The following DISC1 variants were observed in gnomAD, a reference collection of about 807,000 sequenced individuals.
DISC1 encodes disrupted in schizophrenia 1 protein.
In DISC1, 57 loss-of-function variants were observed where a neutral mutation model predicts 84.5. The observed-to-expected ratio is 0.67, with a 90% CI of 0.55 to 0.84. The LOEUF (loss-of-function observed/expected upper bound fraction) is 0.84, where lower values mean the gene tolerates loss of function less well. DISC1 is among the 40% of genes least tolerant of loss of function. The probability of loss-of-function intolerance (pLI) is 0.00; values close to 1 mark genes in which losing one functional copy is unlikely to be tolerated. For missense variants in DISC1, 1,000 were observed against 1,057.8 expected, an observed-to-expected ratio of 0.95 and a Z score of 0.76; for synonymous variants, 411 against 415.2, an observed-to-expected ratio of 0.99 and a Z score of 0.12.
chr1:232,026,755 CTTTTTTCTTTTTTTTT>C (rs1669500587), intron 12 of DISC1, among the ~76,000 whole-genome samples: 1 of 120,406 alleles, frequency 8.3e-6, no homozygotes, highest in Non-Finnish European at 1.7e-5. Context: ...TATTTTTTTT[CTTTTTTCTTTTTTTTT>C]TTTTTTTTTT....
chr1:231,677,419 C>G (rs933219009), intron 1 of DISC1, among the ~76,000 whole-genome samples: 3 of 152,078 alleles, frequency 2.0e-5, no homozygotes. Flanking sequence ...TGGAAAATTC[C>G]AAAATGTTAT....
At chr1:231,851,226 A>G (rs893237641) in intron 9 of DISC1, among the ~76,000 whole-genome samples, 2 of 152,178 alleles carry the variant, frequency 1.3e-5, no homozygotes, top group Non-Finnish European at 2.9e-5. Context: ...GTGTTTTTCG[A>G]AGGCAACTTT....
chr1:231,923,902 C>T (rs1015032124), intron 9 of DISC1, among the ~76,000 whole-genome samples: 3 of 152,142 alleles, frequency 2.0e-5, no homozygotes, highest in African/African-American at 7.2e-5. Flanking sequence ...AGAATTGTTT[C>T]CACCAGAGGA....
At chr1:231,877,030 G>T (rs1374047945) in intron 9 of DISC1, among the ~76,000 whole-genome samples, 2 of 152,238 alleles carry the variant, frequency 1.3e-5, no homozygotes, top group African/African-American at 2.4e-5. Flanking sequence ...TGGAGGGAGA[G>T]CGGAGAGCAG....
At chr1:231,766,631 G>A (rs1197771206) in intron 4 of DISC1, among the ~76,000 whole-genome samples, 1 of 152,116 alleles carries the variant, frequency 6.6e-6, no homozygotes, top group Non-Finnish European at 1.5e-5. Context: ...TAGTGAGTGT[G>A]AATTCAATAC....
Position 231,895,275 on chromosome 1 carries a change from T to C in DISC1, c.1982-63553T>C, listed in dbSNP as rs568657944. Among the ~76,000 whole-genome samples, 71 of 151,886 alleles carry C rather than the reference T, an allele frequency of 4.7e-4. 1 individual carries two copies. In the South Asian group the frequency reaches 5.8e-3, roughly 12 times the overall value. On this transcript the variant is annotated intron_variant, in intron 9 of 12. Transcript: ENST00000439617. ...TTTCAAACAATATTATTCCACTTTA[T>C]GTGTAAGTATATCTAATGAATAATA...
chr1:231,980,428 A>T (rs1275390558), intron 10 of DISC1, among the ~76,000 whole-genome samples: 3 of 152,186 alleles, frequency 2.0e-5, no homozygotes, highest in African/African-American at 4.8e-5. Context: ...TCACACTGTG[A>T]TGATATTAAT....
At chr1:231,904,973 G>C (rs1284794856) in intron 9 of DISC1, among the ~76,000 whole-genome samples, 2 of 152,122 alleles carry the variant, frequency 1.3e-5, no homozygotes, top group Non-Finnish European at 2.9e-5. Context: ...CCACACATAT[G>C]CAAATAAACA....
At chr1:231,631,556 C>G (rs1032016048) in intron 1 of DISC1, among the ~76,000 whole-genome samples, 1 of 152,040 alleles carries the variant, frequency 6.6e-6, no homozygotes, top group Admixed American at 6.6e-5. Flanking sequence ...GATCCTGACC[C>G]TGGGTAGGCC....
intron 1 of DISC1, among the ~76,000 whole-genome samples, chr1:231,637,264 T>C (rs12082514): frequency 0.062 from 9,462 of 152,324 alleles, 329 homozygotes; most frequent in Middle Eastern, 0.088. Context: ...GCAGTAAACA[T>C]ACGTGTGCAT....
intron 6 of DISC1, among the ~76,000 whole-genome samples, chr1:231,777,444 C>T (rs2077040833): frequency 6.6e-6 from 1 of 152,152 alleles, no homozygotes; most frequent in Non-Finnish European, 1.5e-5. Flanking sequence ...TAGACTTGAA[C>T]TCCTGTCCTC....
chr1:231,673,652 G>A (rs141874851), intron 1 of DISC1, among the ~76,000 whole-genome samples: 18 of 152,256 alleles, frequency 1.2e-4, no homozygotes, highest in East Asian at 5.8e-4. Flanking sequence ...GAAACCAAAC[G>A]GACTACAGCA....
intron 1 of DISC1, among the ~76,000 whole-genome samples, chr1:231,663,188 A>G (rs1014577618): frequency 1.3e-5 from 2 of 152,252 alleles, no homozygotes; most frequent in African/African-American, 2.4e-5. Context: ...ATATCATAAA[A>G]TAGAATTTAA....
At chr1:231,709,478 T>G (rs1312096362) in intron 3 of DISC1, among the ~76,000 whole-genome samples, 1 of 152,062 alleles carries the variant, frequency 6.6e-6, no homozygotes, top group Non-Finnish European at 1.5e-5. Flanking sequence ...GGCATGAACA[T>G]TCCTTCCTAA....
chr1:231,752,304 T>A (rs979636840), intron 4 of DISC1, among the ~76,000 whole-genome samples: 2 of 152,146 alleles, frequency 1.3e-5, no homozygotes, highest in Middle Eastern at 3.2e-3. Context: ...CTGCTCAGCT[T>A]CTGGGGAGGC....
intron 9 of DISC1, among the ~76,000 whole-genome samples, chr1:231,881,374 T>A (rs963955961): frequency 1.3e-5 from 2 of 152,196 alleles, no homozygotes; most frequent in Admixed American, 6.5e-5. Flanking sequence ...GTTCCAGGCT[T>A]CTCTCCTTGG....
At chr1:231,959,422 G>A in intron 10 of DISC1, 1 of 985,762 alleles carries the variant, frequency 1.0e-6, no homozygotes, top group Non-Finnish European at 1.2e-6. Flanking sequence ...GGCTTTTGTG[G>A]ATGTGTGCTT....
At chr1:232,008,407 G>A (rs1430139084) in intron 10 of DISC1, among the ~76,000 whole-genome samples, 1 of 152,180 alleles carries the variant, frequency 6.6e-6, no homozygotes, top group Non-Finnish European at 1.5e-5. Flanking sequence ...TGTGTTGATG[G>A]AGAATGGACA....
chr1:231,844,947 A>G (rs1490300751), intron 9 of DISC1, among the ~76,000 whole-genome samples: 5 of 151,920 alleles, frequency 3.3e-5, no homozygotes, highest in Non-Finnish European at 4.4e-5. Flanking sequence ...AAAAAAGAAA[A>G]AAAAGAAAAA....
Sources: gnomAD v4.1 joint callset for allele counts (sites outside exome capture counted in the v4.1 genomes callset) on GRCh38, gnomAD v4.1.1 for gene constraint, MANE v1.5 for transcripts, NCBI Gene and HGNC (gene_info 2026-07-23, HGNC 2026-07-21) for gene names.